Variants in NME9 observed in about 807,000 individuals in gnomAD.
The protein encoded by NME9 is thioredoxin domain-containing protein 6.
Under a neutral mutation model 44.4 loss-of-function variants are expected in NME9, and 48 were observed. The ratio of observed to expected loss-of-function variants is 1.08; its 90% CI spans 0.86 to 1.37. The LOEUF (loss-of-function observed/expected upper bound fraction) is 1.37, where lower values mean the gene tolerates loss of function less well. NME9 is among the 40% of genes most tolerant of loss of function. The pLI is 0.00. For missense variants in NME9, 325 were observed against 405.2 expected, an observed-to-expected ratio of 0.80 and a Z score of 1.70; for synonymous variants, 139 against 147.1, an observed-to-expected ratio of 0.94 and a Z score of 0.40.
intron 8 of NME9, chr3:138,290,709 T>C (rs546761662): frequency 2.0e-6 from 2 of 1,023,572 alleles, no homozygotes; most frequent in Non-Finnish European, 2.9e-6. Context: ...TTTGAATTGC[T>C]TGGTAATTAA....
At chr3:138,289,032 T>C (rs760193276) in intron 8 of NME9, 1 of 1,605,176 alleles carries the variant, frequency 6.2e-7, no homozygotes, top group Admixed American at 1.7e-5. Context: ...TTTTTTTTCT[T>C]TTTCTGTATT....
chr3:138,269,689 G>A (rs1468910955), intron 8 of NME9, among the ~76,000 whole-genome samples: 1 of 152,168 alleles, frequency 6.6e-6, no homozygotes, highest in Non-Finnish European at 1.5e-5. Flanking sequence ...AGCGAAAGAT[G>A]AGAGTGGGGA....
intron 8 of NME9, chr3:138,269,963 G>A: frequency 1.1e-6 from 1 of 927,530 alleles, no homozygotes; most frequent in Non-Finnish European, 1.7e-6. Flanking sequence ...AAATCACAAA[G>A]TGCCAAGGTA....
At chr3:138,262,310 T>G in exon 9 of NME9, 1 of 513,606 alleles carries the variant, frequency 1.9e-6, no homozygotes, top group Non-Finnish European at 3.5e-6. Context: ...TTAGGTTTGG[T>G]CTAGGGCGAG....
intron 8 of NME9, chr3:138,270,186 C>A: frequency 7.7e-7 from 1 of 1,294,924 alleles, no homozygotes; most frequent in Non-Finnish European, 1.1e-6. Context: ...CAGCTATTGT[C>A]TAAGTTAGAA....
At chr3:138,306,892 G>C (rs2052312696) in intron 6 of NME9, among the ~76,000 whole-genome samples, 1 of 152,190 alleles carries the variant, frequency 6.6e-6, no homozygotes, top group Admixed American at 6.5e-5. Flanking sequence ...GGGGGGCCTG[G>C]AGCATGGGCA....
At chr3:138,325,600 G>A (rs1313000186) in intron 1 of NME9, among the ~76,000 whole-genome samples, 1 of 151,848 alleles carries the variant, frequency 6.6e-6, no homozygotes, top group African/African-American at 2.4e-5. Flanking sequence ...TTGAGACGGG[G>A]TTCCACCATG....
At chr3:138,321,979 G>A (rs904381223) in intron 2 of NME9, among the ~76,000 whole-genome samples, 5 of 151,744 alleles carry the variant, frequency 3.3e-5, no homozygotes, top group Admixed American at 6.6e-5. Context: ...GAGAGGAGGG[G>A]CAGGAGAGTG....
chr3:138,290,424 G>T, intron 8 of NME9: 1 of 708,258 alleles, frequency 1.4e-6, no homozygotes. Context: ...GAGGGTAGAG[G>T]ACAAGGGGTA....
rs1286614423 is a variant in NME9, at chr3:138,329,408, T to C, written c.-73A>G. 12 of 1,534,520 alleles carry C rather than the reference T, an allele frequency of 7.8e-6. No individual in the cohort carries two copies. The highest frequency in any genetic ancestry group is 1.0e-5 in the Non-Finnish European group (12 of 1,146,132). On this transcript the variant is annotated 5_prime_UTR_variant, in exon 1 of 11. Coordinates refer to ENST00000333911, the MANE Select transcript of NME9 (RefSeq NM_001349018.2). The stretch of plus-strand genomic sequence containing the variant: ...CCCCCGCAGCCTCGCGACAAACCGC[T>C]GCGTGGATCAGCAAGCCCAGAGCCT...
At chr3:138,288,241 A>C (rs924652830) in intron 8 of NME9, among the ~76,000 whole-genome samples, 2 of 152,192 alleles carry the variant, frequency 1.3e-5, no homozygotes, top group African/African-American at 4.8e-5. Context: ...CCATATATTC[A>C]CTTTCTTCCC....
chr3:138,279,668 G>A (rs368084410), intron 8 of NME9, among the ~76,000 whole-genome samples: 4 of 152,138 alleles, frequency 2.6e-5, no homozygotes, highest in African/African-American at 4.8e-5. Flanking sequence ...ATCTGGATAC[G>A]ATGACCGTTT....
intron 4 of NME9, among the ~76,000 whole-genome samples, chr3:138,317,471 G>A (rs938216859): frequency 1.3e-5 from 2 of 152,214 alleles, no homozygotes; most frequent in African/African-American, 4.8e-5. Flanking sequence ...AACCTAGGAA[G>A]CCAAGTGTGA....
At chr3:138,290,477 T>C in intron 8 of NME9, 1 of 1,153,406 alleles carries the variant, frequency 8.7e-7, no homozygotes, top group South Asian at 1.4e-5. Flanking sequence ...GGCTCTAGAT[T>C]GTTAATTGTA....
intron 8 of NME9, among the ~76,000 whole-genome samples, chr3:138,278,382 T>C (rs1306943098): frequency 6.6e-6 from 1 of 151,940 alleles, no homozygotes; most frequent in Non-Finnish European, 1.5e-5. Context: ...CACGCACCTG[T>C]AGTCCCAGCT....
intron 8 of NME9, among the ~76,000 whole-genome samples, chr3:138,265,719 C>G (rs1464874277): frequency 6.6e-6 from 1 of 151,492 alleles, no homozygotes; most frequent in Non-Finnish European, 1.5e-5. Context: ...CTTTATGACT[C>G]TAGTGGAGCA....
At chr3:138,325,308 AT>A (rs1440153235) in intron 1 of NME9, among the ~76,000 whole-genome samples, 2 of 151,888 alleles carry the variant, frequency 1.3e-5, no homozygotes, top group African/African-American at 4.8e-5. Context: ...ATTCACTCAC[AT>A]TTTTTTCTTA....
At chr3:138,265,346 C>T (rs1462926438) in intron 8 of NME9, among the ~76,000 whole-genome samples, 1 of 152,192 alleles carries the variant, frequency 6.6e-6, no homozygotes, top group Non-Finnish European at 1.5e-5. Flanking sequence ...TCCCCTGATA[C>T]ACTACAAAAC....
chr3:138,319,457 T>C lies in NME9; in HGVS notation c.195+21A>G, dbSNP rs369231881. On this transcript the variant is annotated intron_variant, in intron 3 of 10. Transcript: ENST00000333911. ...TTCTTTTTACAATGTTGTATGACTG[T>C]TGGCTGAGAGAGAATCTTACTAATG... 12 of 1,352,384 alleles carry C rather than the reference T, an allele frequency of 8.9e-6. No individual in the cohort carries two copies. The African/African-American group carries it at 1.3e-4, about 14-fold the overall frequency. The allele number at this position is 1,352,384 out of a possible 1,614,324, so 83.8% of individuals were successfully genotyped here.
Sources: gnomAD v4.1 joint callset for allele counts (sites outside exome capture counted in the v4.1 genomes callset) on GRCh38, gnomAD v4.1.1 for gene constraint, MANE v1.5 for transcripts, NCBI Gene and HGNC (gene_info 2026-07-23, HGNC 2026-07-21) for gene names.